The following SLC3A1 variants were observed in gnomAD, a reference collection of about 807,000 sequenced individuals.
The protein encoded by SLC3A1 is amino acid transporter heavy chain SLC3A1.
A neutral mutation model predicts 60.3 loss-of-function variants in SLC3A1; 78 were observed. The ratio of observed to expected loss-of-function variants is 1.29; its 90% CI spans 1.08 to 1.56. SLC3A1 has a LOEUF of 1.56. Ranked by LOEUF, SLC3A1 falls within the 40% of genes most tolerant of loss-of-function variation. The pLI is 0.00. For missense variants in SLC3A1, 1,172 were observed against 858.9 expected (o/e 1.36, Z -4.56); for synonymous variants, 392 against 307.9 (o/e 1.27, Z -2.86).
chr2:44,280,887 A>C lies in SLC3A1; in HGVS notation c.602A>C (p.His201Pro). The change falls in exon 2 of 10, where the codon CAT becomes CCT. Residue 201 changes from histidine to proline, a missense_variant. By Grantham distance (77) the His-to-Pro change is moderately conservative. Transcript: ENST00000260649. ...TTTGAGAATCTGGTTGCAGCCATAC[A>C]TGATAAAGGTAAGTTGAATGGAAAG... The part of the protein sequence containing the change: ...EDFENLVAAI[H>P]DKGLKLIIDF... The C allele has an allele frequency of 6.2e-7, 1 of 1,614,068 alleles. No homozygotes were observed. The highest frequency in any genetic ancestry group is 8.5e-7 in the Non-Finnish European group (1 of 1,179,938).
chr2:44,282,168 G>A (rs1454702910), intron 3 of SLC3A1, among the ~76,000 whole-genome samples: 1 of 152,020 alleles, frequency 6.6e-6, no homozygotes, highest in Non-Finnish European at 1.5e-5. Context: ...CACCGCTCCT[G>A]GCCCCCTTTG....
At chr2:44,276,150 T>C (rs924405907) in intron 1 of SLC3A1, among the ~76,000 whole-genome samples, 185 bp downstream of exon 1, 13 of 152,246 alleles carry the variant, frequency 8.5e-5, no homozygotes, top group African/African-American at 3.1e-4. Flanking sequence ...AGCAGTTATT[T>C]TACTAGCTGA....
chr2:44,296,844 C>T (rs975429442), intron 4 of SLC3A1, among the ~76,000 whole-genome samples: 1 of 152,096 alleles, frequency 6.6e-6, no homozygotes. Flanking sequence ...GTGGTTTCCT[C>T]CATCCTGTTC....
At position 44,312,767 on chromosome 2, in the gene SLC3A1, A is replaced by C. The variant is rs1672331033; in HGVS notation, c.1500+14A>C. ...AGCTATGATATTGTAAGTTGAATACAACTTGACTATTCATCACAGCTATAA... is the reference window on the plus strand; with the variant it reads ...AGCTATGATATTGTAAGTTGAATACCACTTGACTATTCATCACAGCTATAA... On this transcript the variant is annotated intron_variant, in intron 8 of 9. Coordinates refer to ENST00000260649, the MANE Select transcript of SLC3A1 (RefSeq NM_000341.4). 1 of 1,597,802 alleles carries C rather than the reference A, an allele frequency of 6.3e-7. No individual in the cohort carries two copies. The highest frequency in any genetic ancestry group is 8.5e-7 in the Non-Finnish European group (1 of 1,174,576).
At chr2:44,301,654 A>T (rs180983749) in intron 6 of SLC3A1, among the ~76,000 whole-genome samples, 175 of 142,718 alleles carry the variant, frequency 1.2e-3, no homozygotes, top group Non-Finnish European at 2.2e-3. Flanking sequence ...CAGGAGAATC[A>T]CTTGAACCCG....
intron 7 of SLC3A1, among the ~76,000 whole-genome samples, chr2:44,306,527 G>A (rs1672161346): frequency 6.7e-6 from 1 of 148,416 alleles, no homozygotes; most frequent in Non-Finnish European, 1.5e-5. Context: ...GCTTTGTCGA[G>A]ATATAATTCA....
intron 3 of SLC3A1, chr2:44,285,348 A>G (rs1217162507): frequency 5.9e-6 from 1 of 170,844 alleles, no homozygotes; most frequent in Admixed American, 5.7e-5. Flanking sequence ...CATGAAATGG[A>G]CAAAAGGCCT....
chr2:44,297,913 A>G (rs763387740), intron 4 of SLC3A1, among the ~76,000 whole-genome samples: 8 of 152,182 alleles, frequency 5.3e-5, no homozygotes, highest in Non-Finnish European at 8.8e-5. Context: ...AATCTTTTCA[A>G]GGTTCATCCA....
rs1228543986 is a variant in SLC3A1, at chr2:44,320,803, AAAT to A, written c.*167_*169del. The stretch of plus-strand genomic sequence containing the variant: ...GAAAGGTTCTCAAATGTTTTGAAAA[AAAT>A]AAAATGTTTAAAAGTAAATTATGGC... On this transcript the variant is annotated 3_prime_UTR_variant, in exon 10 of 10. Transcript: ENST00000260649. 9.0e-6 allele frequency: 6 copies of A among 664,982 alleles called. No individual in the cohort carries two copies. The highest frequency in any genetic ancestry group is 2.6e-5 in the Admixed American group (1 of 37,996). 41.2% of individuals were successfully genotyped at this position (664,982 alleles called of 1,614,324 possible).
At chr2:44,295,585 A>G (rs551356061) in intron 4 of SLC3A1, among the ~76,000 whole-genome samples, 1 of 152,308 alleles carries the variant, frequency 6.6e-6, no homozygotes, top group African/African-American at 2.4e-5. Context: ...CTTTCAGAAA[A>G]TGTCCATCAA....
At chr2:44,314,592 CCA>C (rs3074477) in intron 9 of SLC3A1, 8,740 of 155,064 alleles carry the variant, frequency 0.056, 796 homozygotes, top group African/African-American at 0.2. Context: ...GCACCCTCTG[CCA>C]CACACACACA....
At chr2:44,291,673 G>A (rs909411606) in intron 4 of SLC3A1, among the ~76,000 whole-genome samples, 4 of 152,176 alleles carry the variant, frequency 2.6e-5, no homozygotes, top group African/African-American at 9.7e-5. Context: ...GCTTGTTTCT[G>A]CAATAGAGTT....
At chr2:44,298,460 C>G (rs1671913055) in intron 4 of SLC3A1, among the ~76,000 whole-genome samples, 2 of 152,146 alleles carry the variant, frequency 1.3e-5, no homozygotes, top group Non-Finnish European at 2.9e-5. Context: ...CTCACTGCAA[C>G]CTCCGATTTT....
intron 3 of SLC3A1, among the ~76,000 whole-genome samples, chr2:44,283,961 T>A (rs1025996624): frequency 6.6e-6 from 1 of 152,150 alleles, no homozygotes; most frequent in African/African-American, 2.4e-5. Context: ...GTGTGAACAA[T>A]CCATGGTTTA....
At chr2:44,319,187 C>A (rs1320829883) in intron 9 of SLC3A1, 1 of 152,596 alleles carries the variant, frequency 6.6e-6, no homozygotes, top group Non-Finnish European at 1.5e-5. Flanking sequence ...ATATTGGGAA[C>A]CTACCCCTAA....
downstream of SLC3A1, chr2:44,321,502 GTTTAAGCTTCTC>G (rs1337847893): frequency 6.3e-7 from 1 of 1,578,908 alleles, no homozygotes; most frequent in Non-Finnish European, 8.6e-7. Flanking sequence ...AAATGCCACT[GTTTAAGCTTCTC>G]TTTATCTATC....
At chr2:44,290,439 G>T (rs1272572462) in intron 4 of SLC3A1, among the ~76,000 whole-genome samples, 1 of 152,122 alleles carries the variant, frequency 6.6e-6, no homozygotes, top group East Asian at 1.9e-4. Flanking sequence ...GTGAATTTCT[G>T]AGTCAGCTTG....
At position 44,306,549 on chromosome 2, in the gene SLC3A1, AC is replaced by A. The variant is rs1249015940; in HGVS notation, c.1332+2212del. Among the ~76,000 whole-genome samples the A allele has an allele frequency of 6.7e-5, 9 of 133,338 alleles. No individual in the cohort carries two copies. In the East Asian group the frequency reaches 2.1e-3, roughly 31 times the overall value. The allele number at this position is 133,338 out of a possible 152,430, so 87.5% of individuals were successfully genotyped here. ...CGAGATATAATTCACATACCATAAA[AC>A]TTTTTTTTTTTTTTTTTTTTTTGAG... On this transcript the variant is annotated intron_variant, in intron 7 of 9. Transcript: ENST00000260649.
chr2:44,319,399 A>T (rs1035816018), intron 9 of SLC3A1: 4 of 152,618 alleles, frequency 2.6e-5, no homozygotes, highest in Non-Finnish European at 5.9e-5. Flanking sequence ...GGGGGAGGGG[A>T]ATAAAAATAC....
Sources: allele counts gnomAD v4.1 joint callset (sites outside exome capture counted in the v4.1 genomes callset), GRCh38; gene constraint gnomAD v4.1.1; transcripts MANE v1.5; gene names NCBI Gene and HGNC (gene_info 2026-07-23, HGNC 2026-07-21).